Variants in AKAP11 observed in about 807,000 individuals in gnomAD.
AKAP11 encodes A-kinase anchor protein 11.
AKAP11 carries 36 observed loss-of-function variants against 146.1 expected under a neutral mutation model. That is an observed-to-expected ratio of 0.25 (90% CI 0.19 to 0.33). The LOEUF (loss-of-function observed/expected upper bound fraction) is 0.33, where lower values mean the gene tolerates loss of function less well. AKAP11 is among the 10% of genes least tolerant of loss of function. The pLI, the probability that AKAP11 is intolerant of heterozygous loss-of-function variation, is 1.00. For synonymous variants in AKAP11, 780 were observed against 786.5 expected (o/e 0.99, Z 0.14); for missense variants, 2,201 against 2,197.0 (o/e 1.00, Z -0.04).
intron 11 of AKAP11, 138 bp from the exon 12 acceptor site, chr13:42,317,390 G>A (rs1462301261): frequency 5.7e-6 from 5 of 870,886 alleles, no homozygotes; most frequent in Non-Finnish European, 8.5e-6. Context: ...TTATGGTGTG[G>A]TTAGAAAAAG....
chr13:42,289,882 G>C (rs915558370), intron 3 of AKAP11, among the ~76,000 whole-genome samples: 3 of 152,076 alleles, frequency 2.0e-5, no homozygotes, highest in African/African-American at 7.2e-5. Context: ...CCACAGAAAA[G>C]TTGAGAAAAA....
rs186150350 is a variant in AKAP11, at chr13:42,279,169, A to G, written c.-99-6817A>G. Among the ~76,000 whole-genome samples, 333 of 151,838 alleles carry G rather than the reference A, an allele frequency of 2.2e-3. 2 individuals carry two copies. Among genetic ancestry groups the G allele is most frequent in the Non-Finnish European group, 3.9e-3 (268 of 67,960 alleles). Reference sequence around the variant, plus strand: ...TGAGCTTCCTTGGTACTGTCAGTTTACGGTTTTCATCAAATTTGGGAAGTT... The same window carrying G: ...TGAGCTTCCTTGGTACTGTCAGTTTGCGGTTTTCATCAAATTTGGGAAGTT... On this transcript the variant is annotated intron_variant, in intron 1 of 12. Coordinates refer to ENST00000025301, the MANE Select transcript of AKAP11 (RefSeq NM_016248.4).
At chr13:42,295,561 ATCT>A in intron 4 of AKAP11, 131 bp from the exon 5 acceptor site, 2 of 808,818 alleles carry the variant, frequency 2.5e-6, no homozygotes, top group South Asian at 3.1e-5. Flanking sequence ...TTTTTGGGTC[ATCT>A]TTGAAAAAAA....
At position 42,301,016 on chromosome 13, in the gene AKAP11, T is replaced by C; in HGVS notation, c.2270T>C (p.Val757Ala). 2 of 1,614,112 alleles carry C rather than the reference T, an allele frequency of 1.2e-6. No individual in the cohort carries two copies. The highest frequency in any genetic ancestry group is 1.7e-6 in the Non-Finnish European group (2 of 1,179,960). ...HNQAIMVTKP[V>A]QEYKKEYTVQ... Reference sequence around the variant, plus strand: ...CAAGCAATTATGGTGACAAAACCAGTGCAGGAATATAAAAAGGAATACACA... The same window carrying C: ...CAAGCAATTATGGTGACAAAACCAGCGCAGGAATATAAAAAGGAATACACA... The change falls in exon 8 of 13, where the codon GTG becomes GCG. Residue 757 changes from valine to alanine, a missense_variant. Physicochemically the swap from Val to Ala is moderately conservative, Grantham distance 64. This residue lies in a region of AKAP11 where 1,867 missense variants were observed against 1,833.5 expected (regional missense o/e 1.02). Transcript: ENST00000025301.
In AKAP11 at chr13:42,303,506, G is replaced by C. The variant is rs373334225; in HGVS notation, c.4760G>C (p.Cys1587Ser). 24 of 1,614,190 alleles carry C rather than the reference G, an allele frequency of 1.5e-5. No individual in the cohort carries two copies. In the African/African-American group the frequency reaches 2.7e-4, roughly 18 times the overall value. Reference sequence around the variant, plus strand: ...TTGTCACCTCTTACAGGTCAAGCTTGCAGATACTGTGACCTTAAAGAACTC... The same window carrying C: ...TTGTCACCTCTTACAGGTCAAGCTTCCAGATACTGTGACCTTAAAGAACTC... ...EKLSPLTGQA[C>S]RYCDLKELHN... Residue 1587 changes from cysteine to serine, a missense_variant, in exon 8 of 13, where the codon TGC (cysteine) becomes TCC (serine). Coordinates refer to ENST00000025301, the MANE Select transcript of AKAP11 (RefSeq NM_016248.4).
chr13:42,284,241 G>T (rs1364211977), intron 1 of AKAP11, among the ~76,000 whole-genome samples: 1 of 152,200 alleles, frequency 6.6e-6, no homozygotes, highest in Non-Finnish European at 1.5e-5. Flanking sequence ...GATGCTCTAG[G>T]ATCATTATTT....
intron 7 of AKAP11, among the ~76,000 whole-genome samples, chr13:42,299,126 G>C (rs1030215355): frequency 6.6e-6 from 1 of 152,084 alleles, no homozygotes; most frequent in African/African-American, 2.4e-5. Flanking sequence ...TAACATGCGT[G>C]ACAGCATGCA....
At chr13:42,319,012 T>A (rs1182393115) in intron 12 of AKAP11, 76 bp from the exon 13 acceptor site, 1 of 1,471,362 alleles carries the variant, frequency 6.8e-7, no homozygotes, top group Non-Finnish European at 9.2e-7. Flanking sequence ...AAGTTTCAGC[T>A]AATATTGAAA....
chr13:42,315,264 A>G (rs1038624978), intron 11 of AKAP11, among the ~76,000 whole-genome samples: 7 of 152,162 alleles, frequency 4.6e-5, no homozygotes, highest in African/African-American at 7.2e-5. Flanking sequence ...TTTAGTTTTA[A>G]TGCCTCTGTA....
intron 4 of AKAP11, 61 bp downstream of exon 4, chr13:42,292,562 T>G (rs905869667): frequency 1.2e-5 from 12 of 965,696 alleles, no homozygotes; most frequent in Admixed American, 8.4e-5. Flanking sequence ...TCATGCATCT[T>G]TGTAGGACTC....
intron 9 of AKAP11, among the ~76,000 whole-genome samples, chr13:42,308,837 T>C (rs575615855): frequency 7.7e-4 from 118 of 152,326 alleles, no homozygotes; most frequent in Non-Finnish European, 1.4e-3. Flanking sequence ...TTGAAAAATA[T>C]TGCATACATT....
chr13:42,305,276 CT>C (rs1365724653), intron 8 of AKAP11, among the ~76,000 whole-genome samples: 1 of 152,186 alleles, frequency 6.6e-6, no homozygotes, highest in Non-Finnish European at 1.5e-5. Flanking sequence ...TGGTCTGCCT[CT>C]TTTCTTATCC....
chr13:42,281,593 T>C (rs1959060200), intron 1 of AKAP11, among the ~76,000 whole-genome samples: 1 of 152,134 alleles, frequency 6.6e-6, no homozygotes, highest in Non-Finnish European at 1.5e-5. Context: ...TATAAAAGAA[T>C]TTATGTTCAT....
intron 5 of AKAP11, 124 bp downstream of exon 5, chr13:42,295,866 G>A (rs1959482732): frequency 2.6e-6 from 2 of 782,198 alleles, no homozygotes; most frequent in South Asian, 3.1e-5. Context: ...TGCATTCTGT[G>A]TATAATACAG....
In AKAP11 at chr13:42,299,398, G is replaced by A; in HGVS notation, c.652G>A (p.Ala218Thr). The stretch of plus-strand genomic sequence containing the variant: ...TACTGTGCTAAGGAGCCAGTGTGAT[G>A]CTGCTTCCCAGACGGTTACTGGTCA... ...NITVLRSQCD[A>T]ASQTVTGHHL... Residue 218 changes from alanine to threonine, a missense_variant, in exon 8 of 13, where the codon GCT (alanine) becomes ACT (threonine). Coordinates refer to ENST00000025301, the MANE Select transcript of AKAP11 (RefSeq NM_016248.4). 1 of 1,613,710 alleles carries A rather than the reference G, an allele frequency of 6.2e-7. No individual in the cohort carries two copies. The highest frequency in any genetic ancestry group is 1.3e-5 in the African/African-American group (1 of 75,018).
At chr13:42,311,779 G>C (rs917975682) in intron 9 of AKAP11, among the ~76,000 whole-genome samples, 3 of 151,900 alleles carry the variant, frequency 2.0e-5, no homozygotes, top group Admixed American at 6.6e-5. Flanking sequence ...TCCATTCTTT[G>C]TTTGTATATT....
intron 3 of AKAP11, 36 bp downstream of exon 3, chr13:42,286,435 T>TTTTAA (rs1328842392): frequency 6.6e-7 from 1 of 1,511,160 alleles, no homozygotes; most frequent in Non-Finnish European, 9.0e-7. Context: ...TTAGTGAAAG[T>TTTTAA]TTTAATTAAA....
At chr13:42,274,140 G>T (rs893925105) in intron 1 of AKAP11, among the ~76,000 whole-genome samples, 11 of 152,128 alleles carry the variant, frequency 7.2e-5, no homozygotes, top group African/African-American at 2.7e-4. Flanking sequence ...AAGTAACTTT[G>T]GATAGGGTAA....
chr13:42,294,566 C>A (rs367938120), intron 4 of AKAP11, among the ~76,000 whole-genome samples: 6 of 152,102 alleles, frequency 3.9e-5, no homozygotes, highest in African/African-American at 1.4e-4. Context: ...CCATGCCTGG[C>A]TAATTTTTTG....
Sources: allele counts gnomAD v4.1 joint callset (sites outside exome capture counted in the v4.1 genomes callset), GRCh38; gene constraint gnomAD v4.1.1; regional missense constraint gnomAD v4.1.1; transcripts MANE v1.5; gene names NCBI Gene and HGNC (gene_info 2026-07-23, HGNC 2026-07-21).